STAU2: variants seen among roughly 807,000 people sequenced by gnomAD.
STAU2 encodes the protein double-stranded RNA-binding protein Staufen homolog 2.
In STAU2, 20 loss-of-function variants were observed where a neutral mutation model predicts 65.9. The observed-to-expected ratio is 0.30, with a 90% CI of 0.21 to 0.44. The LOEUF (loss-of-function observed/expected upper bound fraction) is 0.44. Among genes scored for constraint, STAU2 ranks in the 20% least tolerant of loss-of-function variants. The pLI, the probability that STAU2 is intolerant of heterozygous loss-of-function variation, is 1.00. For synonymous variants in STAU2, 232 were observed against 233.9 expected, an observed-to-expected ratio of 0.99 and a Z score of 0.07; for missense variants, 558 against 683.9, an observed-to-expected ratio of 0.82 and a Z score of 2.05.
chr8:73,475,860 T>G (rs1252037743), intron 13 of STAU2, among the ~76,000 whole-genome samples: 1 of 152,228 alleles, frequency 6.6e-6, no homozygotes, highest in Admixed American at 6.5e-5. Flanking sequence ...CTTTTCATTC[T>G]AGCTTTCTGG....
chr8:73,549,480 T>C (rs1441837237), intron 13 of STAU2: 1 of 233,100 alleles, frequency 4.3e-6, no homozygotes, highest in East Asian at 1.8e-4. Flanking sequence ...TTTACCTATT[T>C]TGTAGGTTTA....
chr8:73,699,769 A>C (rs1003217757), intron 4 of STAU2, among the ~76,000 whole-genome samples: 1 of 151,720 alleles, frequency 6.6e-6, no homozygotes, highest in African/African-American at 2.4e-5. Flanking sequence ...AATCCTACTC[A>C]AACTATTCTG....
intron 12 of STAU2, among the ~76,000 whole-genome samples, chr8:73,568,276 A>G (rs1808768688): frequency 6.6e-6 from 1 of 152,220 alleles, no homozygotes; most frequent in Non-Finnish European, 1.5e-5. Context: ...AACACACATT[A>G]CTTTAAACTG....
chr8:73,509,168 CT>C (rs1235371421), intron 13 of STAU2, among the ~76,000 whole-genome samples: 20 of 152,116 alleles, frequency 1.3e-4, no homozygotes, highest in African/African-American at 4.6e-4. Flanking sequence ...TTATTATGGT[CT>C]TTTTGAGTAC....
intron 13 of STAU2, among the ~76,000 whole-genome samples, chr8:73,540,931 C>A (rs528170856): frequency 1.4e-4 from 21 of 152,184 alleles, no homozygotes; most frequent in Admixed American, 1.1e-3. Flanking sequence ...ATGAGCTAGA[C>A]ATTTTGGGAA....
intron 13 of STAU2, among the ~76,000 whole-genome samples, chr8:73,533,400 T>G (rs1256719055): frequency 6.6e-6 from 1 of 152,218 alleles, no homozygotes; most frequent in Non-Finnish European, 1.5e-5. Context: ...TTTCCTAGTT[T>G]GATTTGTAAT....
At chr8:73,492,370 C>G (rs1417918472) in intron 13 of STAU2, among the ~76,000 whole-genome samples, 1 of 151,798 alleles carries the variant, frequency 6.6e-6, no homozygotes, top group Non-Finnish European at 1.5e-5. Flanking sequence ...TACTCATTAC[C>G]TTAGTCAACC....
chr8:73,643,057 A>G (rs1815112109), intron 6 of STAU2, among the ~76,000 whole-genome samples: 1 of 151,628 alleles, frequency 6.6e-6, no homozygotes, highest in Admixed American at 6.6e-5. Flanking sequence ...ATATTTGACA[A>G]CTCCTCTTGG....
At chr8:73,716,619 C>T (rs1319759025) in intron 3 of STAU2, among the ~76,000 whole-genome samples, 1 of 151,984 alleles carries the variant, frequency 6.6e-6, no homozygotes, top group East Asian at 1.9e-4. Context: ...AATGATACCT[C>T]GTGATTTTAA....
chr8:73,569,592 T>C (rs957967490), intron 12 of STAU2, among the ~76,000 whole-genome samples: 10 of 150,278 alleles, frequency 6.7e-5, no homozygotes, highest in Non-Finnish European at 1.5e-5. Flanking sequence ...TACAGCTGGG[T>C]GCCCCTCTGA....
intron 13 of STAU2, among the ~76,000 whole-genome samples, chr8:73,533,987 C>T (rs1173363662): frequency 6.6e-6 from 1 of 152,060 alleles, no homozygotes; most frequent in Non-Finnish European, 1.5e-5. Context: ...TTAATGGCCA[C>T]CCCCTATGGA....
At chr8:73,518,837 A>T in intron 13 of STAU2, among the ~76,000 whole-genome samples, 1 of 152,300 alleles carries the variant, frequency 6.6e-6, no homozygotes, top group Middle Eastern at 3.4e-3. Flanking sequence ...AATTTGTGTA[A>T]AACGAAAATT....
intron 4 of STAU2, among the ~76,000 whole-genome samples, chr8:73,696,847 C>T (rs540645649): frequency 6.6e-6 from 1 of 151,894 alleles, no homozygotes; most frequent in East Asian, 1.9e-4. Flanking sequence ...AGAGAATTTC[C>T]CAAACGAGAA....
chr8:73,490,068 T>C (rs1821086580), intron 13 of STAU2, among the ~76,000 whole-genome samples: 1 of 152,108 alleles, frequency 6.6e-6, no homozygotes, highest in South Asian at 2.1e-4. Flanking sequence ...CTCCAGTAAC[T>C]TAAAAGTCAT....
At chr8:73,565,249 T>TA (rs1563425743) in intron 12 of STAU2, among the ~76,000 whole-genome samples, 2 of 152,074 alleles carry the variant, frequency 1.3e-5, no homozygotes, top group African/African-American at 2.4e-5. Flanking sequence ...GTTCTCCTGA[T>TA]AGAGTGTTCA....
intron 13 of STAU2, among the ~76,000 whole-genome samples, chr8:73,516,347 T>C (rs1352077648): frequency 1.3e-5 from 2 of 151,972 alleles, no homozygotes; most frequent in Non-Finnish European, 2.9e-5. Context: ...TTTTTTTTTA[T>C]CACTACCTTG....
At chr8:73,731,676 G>A (rs188322037) in intron 3 of STAU2, among the ~76,000 whole-genome samples, 40 of 152,266 alleles carry the variant, frequency 2.6e-4, no homozygotes, top group Middle Eastern at 3.4e-3. Flanking sequence ...GGTGACTCAC[G>A]CCTGTAATTC....
chr8:73,706,965 A>G (rs1820547870), intron 4 of STAU2, among the ~76,000 whole-genome samples: 1 of 152,258 alleles, frequency 6.6e-6, no homozygotes, highest in Admixed American at 6.5e-5. Context: ...AGAGTCCTCC[A>G]GAAACTTCCC....
chr8:73,555,810 A>G (rs1807709575), intron 12 of STAU2, among the ~76,000 whole-genome samples: 2 of 152,210 alleles, frequency 1.3e-5, no homozygotes, highest in African/African-American at 2.4e-5. Flanking sequence ...CCTGAAACCA[A>G]TTCTTCACGG....
Sources: allele counts gnomAD v4.1 joint callset (sites outside exome capture counted in the v4.1 genomes callset), GRCh38; gene constraint gnomAD v4.1.1; transcripts MANE v1.5; gene names NCBI Gene and HGNC (gene_info 2026-07-23, HGNC 2026-07-21).